Variants in CSMD1 observed in about 807,000 individuals in gnomAD.
The protein encoded by CSMD1 is CUB and Sushi multiple domains 1.
In CSMD1, 213 loss-of-function variants were observed where a neutral mutation model predicts 417.5. That is an observed-to-expected ratio of 0.51 (90% CI 0.46 to 0.57). The LOEUF (loss-of-function observed/expected upper bound fraction) is 0.57. CSMD1 is among the 20% of genes least tolerant of loss of function. The pLI, the probability that CSMD1 is intolerant of heterozygous loss-of-function variation, is 0.00. For synonymous variants in CSMD1, 2,862 were observed against 1,736.8 expected (o/e 1.65, Z -16.11); for missense variants, 6,923 against 4,529.7 (o/e 1.53, Z -15.17).
At chr8:3,172,528 A>G (rs530431714) in intron 37 of CSMD1, among the ~76,000 whole-genome samples, 1 of 152,308 alleles carries the variant, frequency 6.6e-6, no homozygotes, top group Non-Finnish European at 1.5e-5. Context: ...TGAAATTAGC[A>G]GAGACCACAT....
intron 1 of CSMD1, among the ~76,000 whole-genome samples, chr8:4,889,049 A>G (rs1803936487): frequency 6.6e-6 from 1 of 152,154 alleles, no homozygotes; most frequent in Admixed American, 6.5e-5. Flanking sequence ...TTCAGGCAAG[A>G]AGGATGAATA....
chr8:4,058,174 T>A (rs1386868303), intron 3 of CSMD1, among the ~76,000 whole-genome samples: 11 of 152,168 alleles, frequency 7.2e-5, no homozygotes, highest in Non-Finnish European at 1.5e-4. Context: ...GAGCATGGAA[T>A]GTTCTTCCAT....
At chr8:4,693,144 C>T (rs1170990584) in intron 1 of CSMD1, among the ~76,000 whole-genome samples, 2 of 152,200 alleles carry the variant, frequency 1.3e-5, no homozygotes, top group Non-Finnish European at 2.9e-5. Flanking sequence ...GGTTGCTCTC[C>T]CTTCAAGCTC....
intron 9 of CSMD1, among the ~76,000 whole-genome samples, chr8:3,581,956 C>T (rs1385820203): frequency 6.6e-6 from 1 of 152,146 alleles, no homozygotes; most frequent in Non-Finnish European, 1.5e-5. Context: ...AGGCATGCAC[C>T]AGCATGTCTA....
intron 10 of CSMD1, among the ~76,000 whole-genome samples, chr8:3,523,400 TGA>T (rs1797596228): frequency 6.6e-6 from 1 of 152,188 alleles, no homozygotes; most frequent in Non-Finnish European, 1.5e-5. Context: ...AAGCTCTCAA[TGA>T]GAGATCAAAG....
At chr8:3,689,926 T>C (rs1042426140) in intron 7 of CSMD1, among the ~76,000 whole-genome samples, 5 of 152,218 alleles carry the variant, frequency 3.3e-5, no homozygotes, top group African/African-American at 7.2e-5. Flanking sequence ...AATAATCACG[T>C]TCATCAATTA....
At chr8:3,090,261 G>A (rs1204798977) in intron 48 of CSMD1, among the ~76,000 whole-genome samples, 2 of 137,874 alleles carry the variant, frequency 1.5e-5, no homozygotes, top group South Asian at 4.9e-4. Flanking sequence ...AGCTTGCAGT[G>A]AGCCGAGATC....
At chr8:4,270,605 C>G (rs985874398) in intron 3 of CSMD1, among the ~76,000 whole-genome samples, 2 of 152,270 alleles carry the variant, frequency 1.3e-5, no homozygotes, top group East Asian at 1.9e-4. Flanking sequence ...CCTGTTCAAC[C>G]TGATTTTGAC....
At chr8:4,371,680 G>A (rs948842303) in intron 3 of CSMD1, among the ~76,000 whole-genome samples, 25 of 152,246 alleles carry the variant, frequency 1.6e-4, no homozygotes, top group African/African-American at 6.0e-4. Context: ...CTTAAAGTTA[G>A]TAGAATGTTA....
intron 3 of CSMD1, among the ~76,000 whole-genome samples, chr8:4,412,840 A>T (rs1230730403): frequency 6.6e-6 from 1 of 152,182 alleles, no homozygotes; most frequent in Non-Finnish European, 1.5e-5. Context: ...ACCAAATTGT[A>T]ATGGAAGAAT....
At chr8:2,970,289 T>A (rs916924007) in intron 57 of CSMD1, among the ~76,000 whole-genome samples, 3 of 152,204 alleles carry the variant, frequency 2.0e-5, no homozygotes, top group Admixed American at 2.0e-4. Context: ...GTTCATCTTT[T>A]AAGTTTTCAA....
intron 1 of CSMD1, among the ~76,000 whole-genome samples, chr8:4,793,847 A>G (rs994150101): frequency 6.7e-6 from 1 of 148,960 alleles, no homozygotes; most frequent in South Asian, 2.2e-4. Flanking sequence ...AAAAAAAAAA[A>G]AAAAAACTCC....
chr8:3,474,702 G>C (rs76895516), intron 11 of CSMD1, among the ~76,000 whole-genome samples: 1 of 152,012 alleles, frequency 6.6e-6, no homozygotes, highest in African/African-American at 2.4e-5. Context: ...TGAAGTCACA[G>C]TTTCCAAAGA....
chr8:4,737,599 T>C (rs1413361756), intron 1 of CSMD1, among the ~76,000 whole-genome samples: 25 of 152,206 alleles, frequency 1.6e-4, no homozygotes, highest in Admixed American at 1.6e-3. Flanking sequence ...TTCATCTCTA[T>C]CTTTATACTA....
chr8:4,235,505 T>C (rs2128817447), intron 3 of CSMD1, among the ~76,000 whole-genome samples: 1 of 152,248 alleles, frequency 6.6e-6, no homozygotes, highest in East Asian at 1.9e-4. Flanking sequence ...AGAAAACAAA[T>C]CTTCTAAGTA....
intron 5 of CSMD1, among the ~76,000 whole-genome samples, chr8:3,957,784 A>G (rs1471721594): frequency 6.6e-6 from 1 of 152,164 alleles, no homozygotes; most frequent in Admixed American, 6.5e-5. Flanking sequence ...CATGCCAAGA[A>G]GAATAATGTT....
intron 20 of CSMD1, among the ~76,000 whole-genome samples, chr8:3,361,905 T>G (rs1809210678): frequency 6.6e-6 from 1 of 152,152 alleles, no homozygotes; most frequent in African/African-American, 2.4e-5. Context: ...TTGATTAGGC[T>G]TTCTAAGGAT....
At chr8:3,329,127 G>C (rs1806726394) in intron 23 of CSMD1, among the ~76,000 whole-genome samples, 1 of 152,088 alleles carries the variant, frequency 6.6e-6, no homozygotes, top group African/African-American at 2.4e-5. Flanking sequence ...GAATGGAGGT[G>C]GAAGATATGT....
intron 2 of CSMD1, among the ~76,000 whole-genome samples, chr8:4,609,694 T>C (rs1268054881): frequency 6.6e-6 from 1 of 152,104 alleles, no homozygotes; most frequent in African/African-American, 2.4e-5. Context: ...ACAGGAAACA[T>C]TGCCAATTTT....
Sources: gnomAD v4.1 joint callset for allele counts (sites outside exome capture counted in the v4.1 genomes callset) on GRCh38, gnomAD v4.1.1 for gene constraint, MANE v1.5 for transcripts, NCBI Gene and HGNC (gene_info 2026-07-23, HGNC 2026-07-21) for gene names.